Variants in SLC25A26 observed in about 807,000 individuals in gnomAD.
The protein encoded by SLC25A26 is solute carrier family 25 member 26.
In SLC25A26, 36 loss-of-function variants were observed where a neutral mutation model predicts 37.8. That is an observed-to-expected ratio of 0.95 (90% CI 0.73 to 1.26). The LOEUF (loss-of-function observed/expected upper bound fraction) is 1.26. Ranked by LOEUF, SLC25A26 falls within the 50% of genes most tolerant of loss-of-function variation. SLC25A26 has a pLI of 0.00. For missense variants in SLC25A26, 390 were observed against 331.1 expected, an observed-to-expected ratio of 1.18 and a Z score of -1.38; for synonymous variants, 129 against 122.5, an observed-to-expected ratio of 1.05 and a Z score of -0.35.
At chr3:66,220,996 A>C (rs912327153), upstream of SLC25A26, 31 of 1,337,194 alleles carry the variant, frequency 2.3e-5, no homozygotes, top group Admixed American at 5.8e-4. Flanking sequence ...CCGGAAGTTC[A>C]AGACAGACCC....
chr3:66,338,556 A>G (rs1177265844), intron 5 of SLC25A26, among the ~76,000 whole-genome samples: 4 of 151,996 alleles, frequency 2.6e-5, no homozygotes, highest in South Asian at 2.1e-4. Context: ...TAATCATAAT[A>G]TTTGCCATTT....
intron 5 of SLC25A26, among the ~76,000 whole-genome samples, chr3:66,328,434 G>C (rs1222607764): frequency 6.6e-6 from 1 of 152,054 alleles, no homozygotes; most frequent in Non-Finnish European, 1.5e-5. Context: ...CTAATAAATA[G>C]GAGATCAGCT....
At chr3:66,363,782 G>A (rs900730464) in intron 7 of SLC25A26, among the ~76,000 whole-genome samples, 6 of 152,198 alleles carry the variant, frequency 3.9e-5, no homozygotes, top group East Asian at 1.9e-4. Flanking sequence ...TGTTGTTGTC[G>A]TGATTGAGAA....
intron 5 of SLC25A26, among the ~76,000 whole-genome samples, chr3:66,331,494 G>A (rs1455002831): frequency 6.6e-6 from 1 of 151,620 alleles, no homozygotes; most frequent in East Asian, 1.9e-4. Context: ...TCTTTATTTT[G>A]TTTTATGTGT....
intron 5 of SLC25A26, among the ~76,000 whole-genome samples, chr3:66,343,535 G>C (rs1426088325): frequency 6.6e-6 from 1 of 152,164 alleles, no homozygotes; most frequent in Non-Finnish European, 1.5e-5. Context: ...TCTTTAAACT[G>C]AAGGAGCAGC....
intron 1 of SLC25A26, among the ~76,000 whole-genome samples, chr3:66,140,560 C>A (rs532540112): frequency 1.3e-5 from 2 of 152,292 alleles, no homozygotes; most frequent in Non-Finnish European, 2.9e-5. Flanking sequence ...ACAGGATGCA[C>A]GCTGAGGTAA....
At chr3:66,243,627 C>T (rs922379800) in intron 3 of SLC25A26, among the ~76,000 whole-genome samples, 8 of 152,132 alleles carry the variant, frequency 5.3e-5, no homozygotes, top group Admixed American at 1.3e-4. Context: ...TGTATTGTGT[C>T]GGTACAACTG....
chr3:66,312,127 G>A (rs1037081229), intron 5 of SLC25A26, among the ~76,000 whole-genome samples: 2 of 152,220 alleles, frequency 1.3e-5, no homozygotes, highest in African/African-American at 4.8e-5. Flanking sequence ...GTCTTATGGA[G>A]ATGGGAGTTT....
At chr3:66,151,288 T>G (rs939132546) in intron 1 of SLC25A26, among the ~76,000 whole-genome samples, 4 of 151,968 alleles carry the variant, frequency 2.6e-5, no homozygotes, top group African/African-American at 9.7e-5. Context: ...AAGCGGGCTG[T>G]GGGCATGCTA....
chr3:66,155,696 G>A (rs1247781902), intron 1 of SLC25A26, among the ~76,000 whole-genome samples: 1 of 152,176 alleles, frequency 6.6e-6, no homozygotes, highest in Non-Finnish European at 1.5e-5. Flanking sequence ...AGTATGTCTG[G>A]AAGAGTACAG....
At chr3:66,340,961 G>A (rs2076196569) in intron 5 of SLC25A26, among the ~76,000 whole-genome samples, 2 of 152,200 alleles carry the variant, frequency 1.3e-5, no homozygotes, top group Admixed American at 6.5e-5. Flanking sequence ...GAATGTGTGT[G>A]TGTGTGTTGA....
chr3:66,376,668 T>A (rs1294493475), intron 9 of SLC25A26, among the ~76,000 whole-genome samples: 1 of 152,250 alleles, frequency 6.6e-6, no homozygotes, highest in Non-Finnish European at 1.5e-5. Context: ...TTGAATGGCT[T>A]GCTTTATTGC....
rs60891030 is a variant in SLC25A26, at chr3:66,245,250, T to TA, written c.300+1955dup. On this transcript the variant is annotated intron_variant, in intron 3 of 9. Transcript: ENST00000354883. ...CCGAAATCGTAAACACAGTTATGAT[T>TA]AAAAAAAAAAAAAAAAACAAAACCT... Among the ~76,000 whole-genome samples the TA allele has an allele frequency of 2.4e-3, 329 of 135,828 alleles. 1 individual carries two copies. The highest frequency in any genetic ancestry group is 4.6e-3 in the African/African-American group (171 of 36,988). The allele number at this position is 135,828 out of a possible 152,430, so 89.1% of individuals were successfully genotyped here. A position where few individuals can be genotyped will look rare whatever the true frequency, so the allele number is the denominator to read the frequency against.
Position 66,182,015 on chromosome 3 carries a change from A to G in SLC25A26, c.-353-38727A>G, listed in dbSNP as rs142624458. Reference sequence around the variant, plus strand: ...CCTTGCCTTGTTTTAGCTCAAAGACAGCACTTGGCTTTCAAGGATATATTA... The same window carrying G: ...CCTTGCCTTGTTTTAGCTCAAAGACGGCACTTGGCTTTCAAGGATATATTA... On this transcript the variant is annotated intron_variant, in intron 1 of 10. Coordinates refer to the SLC25A26 transcript ENST00000676754. Among the ~76,000 whole-genome samples the G allele has an allele frequency of 8.8e-3, 1,341 of 152,288 alleles. 7 individuals carry two copies. Among genetic ancestry groups the G allele is most frequent in the Non-Finnish European group, 0.015 (1,042 of 68,024 alleles).
intron 5 of SLC25A26, among the ~76,000 whole-genome samples, chr3:66,305,039 T>A (rs1225116135): frequency 6.6e-6 from 1 of 152,178 alleles, no homozygotes; most frequent in Non-Finnish European, 1.5e-5. Flanking sequence ...ACTGACAGTT[T>A]TCTAGGAACT....
At chr3:66,258,219 A>C (rs2073382126) in intron 3 of SLC25A26, among the ~76,000 whole-genome samples, 1 of 152,084 alleles carries the variant, frequency 6.6e-6, no homozygotes, top group Non-Finnish European at 1.5e-5. Flanking sequence ...CTGCGGGGGA[A>C]ATCTGAGAAA....
chr3:66,164,659 T>C (rs1410665448), intron 1 of SLC25A26, among the ~76,000 whole-genome samples: 1 of 152,214 alleles, frequency 6.6e-6, no homozygotes, highest in African/African-American at 2.4e-5. Flanking sequence ...GCCTTGTATG[T>C]AATATATGAT....
At chr3:66,268,685 T>C (rs1004041167) in intron 5 of SLC25A26, among the ~76,000 whole-genome samples, 13 of 152,316 alleles carry the variant, frequency 8.5e-5, no homozygotes, top group East Asian at 3.9e-4. Context: ...ACACCTGATA[T>C]GGTTTGGCTC....
intron 7 of SLC25A26, among the ~76,000 whole-genome samples, chr3:66,366,114 C>T (rs1053021890): frequency 1.3e-5 from 2 of 152,190 alleles, no homozygotes; most frequent in East Asian, 1.9e-4. Context: ...ATCCTGTCCT[C>T]GAAAGCAGTT....
Sources: allele counts gnomAD v4.1 joint callset (sites outside exome capture counted in the v4.1 genomes callset), GRCh38; gene constraint gnomAD v4.1.1; transcripts MANE v1.5; gene names NCBI Gene and HGNC (gene_info 2026-07-23, HGNC 2026-07-21).